The following MEF2A variants were observed in gnomAD, a reference collection of about 807,000 sequenced individuals.
MEF2A encodes the protein myocyte-specific enhancer factor 2A.
Under a neutral mutation model 55.8 loss-of-function variants are expected in MEF2A, and 28 were observed. The ratio of observed to expected loss-of-function variants is 0.50; its 90% CI spans 0.37 to 0.69. The LOEUF (loss-of-function observed/expected upper bound fraction) is 0.69. Ranked by LOEUF, MEF2A falls within the 30% of genes least tolerant of loss-of-function variation. MEF2A has a pLI of 0.00. For synonymous variants in MEF2A, 239 were observed against 227.1 expected (o/e 1.05, Z -0.47); for missense variants, 528 against 626.2 (o/e 0.84, Z 1.67).
At chr15:99,594,769 G>C (rs189638945) in intron 1 of MEF2A, among the ~76,000 whole-genome samples, 115 of 152,074 alleles carry the variant, frequency 7.6e-4, no homozygotes, top group Non-Finnish European at 1.3e-3. Context: ...TGATTTGTGT[G>C]ATATTGTATA....
chr15:99,620,996 C>T (rs988601043), intron 2 of MEF2A: 2 of 152,042 alleles, frequency 1.3e-5, no homozygotes, highest in Non-Finnish European at 2.9e-5. Context: ...AGGCGCCTGC[C>T]ACCATGCCTG....
At chr15:99,707,276 A>T (rs1412639586) in intron 10 of MEF2A, among the ~76,000 whole-genome samples, 1 of 152,106 alleles carries the variant, frequency 6.6e-6, no homozygotes, top group East Asian at 1.9e-4. Flanking sequence ...AAAGACATGA[A>T]TCCCTTTGGA....
In MEF2A at chr15:99,671,204, C is replaced by T. The variant is rs1021161231; in HGVS notation, c.259-119C>T. On this transcript the variant is annotated intron_variant, in intron 4 of 11. Coordinates refer to ENST00000557942, the MANE Select transcript of MEF2A (RefSeq NM_001319206.4). The stretch of plus-strand genomic sequence containing the variant: ...AGTACATTTGTGATCATTTAGAAAC[C>T]GTTTCAGTGGCTCTTGTATAATTCA... 17 of 1,030,396 alleles carry T rather than the reference C, an allele frequency of 1.6e-5. No homozygotes were observed. The Admixed American group carries it at 2.0e-4, about 12-fold the overall frequency. The allele number at this position is 1,030,396 out of a possible 1,614,324, so 63.8% of individuals were successfully genotyped here.
At position 99,645,942 on chromosome 15, in the gene MEF2A, A is replaced by G. The variant is rs914209660; in HGVS notation, c.258+178A>G. The G allele has an allele frequency of 2.7e-5, 13 of 487,072 alleles. No homozygotes were observed. The Admixed American group carries it at 4.6e-4, about 17-fold the overall frequency. The allele number at this position is 487,072 out of a possible 1,614,324, so 30.2% of individuals were successfully genotyped here. A position where few individuals can be genotyped will look rare whatever the true frequency, so the allele number is the denominator to read the frequency against. On this transcript the variant is annotated intron_variant, in intron 4 of 11. Coordinates refer to ENST00000557942, the MANE Select transcript of MEF2A (RefSeq NM_001319206.4). ...ATGGCGACTCACTTGTGTTATAAAC[A>G]TACTCTATTCATTCAGACAAAGTAA...
In MEF2A at chr15:99,630,209, C is replaced by T. The variant is rs2042733256; in HGVS notation, c.-142-2769C>T. Among the ~76,000 whole-genome samples, 8 of 152,034 alleles carry T rather than the reference C, an allele frequency of 5.3e-5. No homozygotes were observed. In the South Asian group the frequency reaches 1.7e-3, roughly 32 times the overall value. On this transcript the variant is annotated intron_variant, in intron 2 of 11. Coordinates refer to ENST00000557942, the MANE Select transcript of MEF2A (RefSeq NM_001319206.4). ...TTTCTTGCCTATATGTTTTCTCCTC[C>T]CCTCTGAGACTCCAGTTACATGTAC...
chr15:99,597,344 C>T (rs1971543458), intron 1 of MEF2A, among the ~76,000 whole-genome samples: 3 of 152,198 alleles, frequency 2.0e-5, no homozygotes, highest in South Asian at 4.1e-4. Flanking sequence ...AAATAGACTC[C>T]AGTCTCCCAT....
chr15:99,653,179 A>G (rs763359717), intron 4 of MEF2A, among the ~76,000 whole-genome samples: 3 of 152,194 alleles, frequency 2.0e-5, no homozygotes, highest in Non-Finnish European at 4.4e-5. Context: ...TCAGCCTGTA[A>G]GGTGAGATGT....
intron 2 of MEF2A, among the ~76,000 whole-genome samples, chr15:99,610,816 A>G (rs1976990156): frequency 6.6e-6 from 1 of 152,256 alleles, no homozygotes; most frequent in Non-Finnish European, 1.5e-5. Context: ...AAAACTATAT[A>G]GGCTAAGTCT....
intron 8 of MEF2A, among the ~76,000 whole-genome samples, chr15:99,697,092 A>G (rs1413655162): frequency 2.0e-5 from 3 of 152,112 alleles, no homozygotes; most frequent in Non-Finnish European, 4.4e-5. Flanking sequence ...ATAGAAAGGA[A>G]CTTAATAAAG....
At chr15:99,633,499 C>T (rs1333977753) in intron 3 of MEF2A, among the ~76,000 whole-genome samples, 2 of 151,918 alleles carry the variant, frequency 1.3e-5, no homozygotes, top group East Asian at 3.8e-4. Context: ...GACTGTTAGT[C>T]TTTTTTATAT....
At chr15:99,679,223 T>C (rs1011837872) in intron 7 of MEF2A, among the ~76,000 whole-genome samples, 3 of 152,228 alleles carry the variant, frequency 2.0e-5, no homozygotes, top group East Asian at 3.8e-4. Context: ...CTCATCCTTA[T>C]GTACTGTAGA....
In MEF2A at chr15:99,620,546, C is replaced by T. The variant is rs1290907155; in HGVS notation, c.-142-12432C>T. On this transcript the variant is annotated intron_variant, in intron 2 of 11. Coordinates refer to ENST00000557942, the MANE Select transcript of MEF2A (RefSeq NM_001319206.4). ...GTTCTTTTTATGACTGTGTAGTGTT[C>T]CATGGTGTATATGCATCACGTTTTC... 2.0e-5 allele frequency among the ~76,000 whole-genome samples: 3 copies of T among 152,156 alleles called. No homozygotes were observed. The East Asian group carries it at 5.8e-4, about 29-fold the overall frequency.
At chr15:99,616,848 A>G (rs140652204) in intron 2 of MEF2A, among the ~76,000 whole-genome samples, 1 of 152,268 alleles carries the variant, frequency 6.6e-6, no homozygotes, top group Non-Finnish European at 1.5e-5. Flanking sequence ...TTATTACAGT[A>G]AGAAAAAGCC....
At chr15:99,711,806 C>A (rs1373926478) in intron 11 of MEF2A, among the ~76,000 whole-genome samples, 1 of 152,246 alleles carries the variant, frequency 6.6e-6, no homozygotes, top group African/African-American at 2.4e-5. Context: ...CAGGCCTGTC[C>A]TGAGCATCCT....
At chr15:99,605,981 C>T (rs1974970527) in intron 2 of MEF2A, among the ~76,000 whole-genome samples, 1 of 152,064 alleles carries the variant, frequency 6.6e-6, no homozygotes, top group African/African-American at 2.4e-5. Flanking sequence ...CTAAAGTAGT[C>T]TTGAAAGAAG....
chr15:99,581,115 A>G (rs895635989), intron 1 of MEF2A, among the ~76,000 whole-genome samples: 6 of 152,108 alleles, frequency 3.9e-5, no homozygotes, highest in Non-Finnish European at 7.4e-5. Context: ...GTTGCTTAAA[A>G]TATTTATTAC....
intron 4 of MEF2A, among the ~76,000 whole-genome samples, chr15:99,662,560 C>T (rs1242212771): frequency 6.6e-6 from 1 of 151,926 alleles, no homozygotes; most frequent in East Asian, 1.9e-4. Context: ...CTGCAACCTC[C>T]ACCTCCTGGG....
At chr15:99,579,418 A>G (rs1965274757) in intron 1 of MEF2A, among the ~76,000 whole-genome samples, 1 of 151,400 alleles carries the variant, frequency 6.6e-6, no homozygotes, top group African/African-American at 2.4e-5. Context: ...TTTTTGAGAC[A>G]GAGTCTCACT....
chr15:99,566,857 C>T (rs1490176710), intron 1 of MEF2A, among the ~76,000 whole-genome samples: 2 of 152,110 alleles, frequency 1.3e-5, no homozygotes, highest in African/African-American at 2.4e-5. Flanking sequence ...GGGGAGACGT[C>T]GCGGGGACAG....
Sources: allele counts gnomAD v4.1 joint callset (sites outside exome capture counted in the v4.1 genomes callset), GRCh38; gene constraint gnomAD v4.1.1; transcripts MANE v1.5; gene names NCBI Gene and HGNC (gene_info 2026-07-23, HGNC 2026-07-21).